The following RP1L1 variants were observed in gnomAD, a reference collection of about 807,000 sequenced individuals.
RP1L1 encodes the protein retinitis pigmentosa 1-like 1 protein.
RP1L1 carries 27 observed loss-of-function variants against 15.7 expected under a neutral mutation model. The observed-to-expected ratio is 1.72, with a 90% CI of 1.27 to 2.38. The LOEUF is 2.38. Among genes scored for constraint, RP1L1 ranks in the 30% most tolerant of loss-of-function variants. The probability of loss-of-function intolerance (pLI) is 0.00; values close to 1 mark genes in which losing one functional copy is unlikely to be tolerated. For missense variants in RP1L1, 4,798 were observed against 3,075.9 expected (o/e 1.56, Z -13.24); for synonymous variants, 1,813 against 1,276.7 (o/e 1.42, Z -8.96).
At chr8:10,651,974 T>A (rs1424675237) in intron 1 of RP1L1, among the ~76,000 whole-genome samples, 2 of 152,178 alleles carry the variant, frequency 1.3e-5, no homozygotes, top group Non-Finnish European at 2.9e-5. Context: ...TTCTTTTCCA[T>A]GTTTAGAAAC....
At chr8:10,624,175 C>T (rs908341001) in intron 1 of RP1L1, among the ~76,000 whole-genome samples, 2 of 152,226 alleles carry the variant, frequency 1.3e-5, no homozygotes, top group African/African-American at 4.8e-5. Flanking sequence ...ATTCTCCACA[C>T]ATTCTGTCAC....
chr8:10,633,636 C>G (rs1032738101), intron 1 of RP1L1, among the ~76,000 whole-genome samples: 25 of 152,242 alleles, frequency 1.6e-4, no homozygotes, highest in African/African-American at 5.8e-4. Flanking sequence ...AACTGCTGTT[C>G]TGTGGTCATC....
At chr8:10,613,371 A>G (rs1264384546) in intron 3 of RP1L1, 25 bp from the exon 4 acceptor site, 1 of 1,598,930 alleles carries the variant, frequency 6.3e-7, no homozygotes. Context: ...AGAGGAAAAG[A>G]AAAGAAGAAA....
chr8:10,617,058 C>A (rs141813475), intron 2 of RP1L1, among the ~76,000 whole-genome samples: 1 of 152,124 alleles, frequency 6.6e-6, no homozygotes, highest in African/African-American at 2.4e-5. Context: ...GAGTCTGTTG[C>A]CTCTGCCCAA....
chr8:10,645,840 C>G (rs1327251974), intron 1 of RP1L1, among the ~76,000 whole-genome samples: 1 of 152,114 alleles, frequency 6.6e-6, no homozygotes, highest in Non-Finnish European at 1.5e-5. Context: ...CCTCTGAACC[C>G]TGCACCAGGC....
At chr8:10,650,293 A>G (rs1798539806) in intron 1 of RP1L1, among the ~76,000 whole-genome samples, 1 of 152,112 alleles carries the variant, frequency 6.6e-6, no homozygotes, top group Non-Finnish European at 1.5e-5. Flanking sequence ...CACATTCTTC[A>G]AGCCACTTTT....
intron 1 of RP1L1, among the ~76,000 whole-genome samples, chr8:10,633,826 T>G (rs1798289122): frequency 6.6e-6 from 1 of 152,200 alleles, no homozygotes; most frequent in South Asian, 2.1e-4. Context: ...ATATGTCCAA[T>G]TAATCTCCAC....
intron 1 of RP1L1, among the ~76,000 whole-genome samples, chr8:10,636,429 C>T (rs1174105772): frequency 1.3e-5 from 2 of 152,158 alleles, no homozygotes; most frequent in Admixed American, 6.5e-5. Flanking sequence ...TCACCATCCT[C>T]GGTAAAATGG....
Position 10,607,348 on chromosome 8 carries a change from C to T in RP1L1, c.6750G>A (p.Lys2250=), listed in dbSNP as rs755423436. 2 of 1,614,146 alleles carry T rather than the reference C, an allele frequency of 1.2e-6. No homozygotes were observed. The highest frequency in any genetic ancestry group is 1.1e-5 in the South Asian group (1 of 91,080). The part of the protein sequence containing the change: ...ESEGETQGEK[K]GSPQVSLGDG... Reference sequence around the variant, plus strand: ...CTCCTAGACTGACCTGAGGGCTCCCCTTTTTCTCACCTTGAGTTTCTCCTT... The same window carrying T: ...CTCCTAGACTGACCTGAGGGCTCCCTTTTTTCTCACCTTGAGTTTCTCCTT... The change falls in exon 4 of 4, where the codon AAG becomes AAA. Residue 2250 remains lysine (K), a synonymous_variant. Coordinates refer to ENST00000382483, the MANE Select transcript of RP1L1 (RefSeq NM_178857.6).
Position 10,612,799 on chromosome 8 carries a change from G to A in RP1L1, c.1299C>T (p.Arg433=), listed in dbSNP as rs745933227. 1 of 1,611,240 alleles carries A rather than the reference G, an allele frequency of 6.2e-7. No individual in the cohort carries two copies. Among genetic ancestry groups the A allele is most frequent in the East Asian group, 2.2e-5 (1 of 44,872 alleles). Residue 433 remains arginine (R), a synonymous_variant, in exon 4 of 4, where the codon CGC becomes CGT. Transcript: ENST00000382483. ...RKRWGLAQHV[R]CSGLWGHGTA... is the part of the protein sequence containing the mutation. ...TCCCGTGGCCCCACAGGCCACTGCA[G>A]CGGACGTGCTGGGCCAGTCCCCACC...
chr8:10,613,581 T>C (rs1415361860), intron 3 of RP1L1, among the ~76,000 whole-genome samples: 1 of 133,610 alleles, frequency 7.5e-6, no homozygotes, highest in African/African-American at 2.9e-5. Flanking sequence ...CTGGACAACT[T>C]AGTGAGACAC....
rs371814745 is a variant in RP1L1 at position 10,606,972 on chromosome 8, G to T, written c.7126C>A (p.Gln2376Lys). 6.2e-7 allele frequency: 1 copy of T among 1,614,114 alleles called. No homozygotes were observed. The highest frequency in any genetic ancestry group is 1.3e-5 in the African/African-American group (1 of 74,936). Residue 2376 changes from glutamine to lysine, a missense_variant, in exon 4 of 4, where the codon CAG becomes AAG. Coordinates refer to ENST00000382483, the MANE Select transcript of RP1L1 (RefSeq NM_178857.6). Reference sequence around the variant, plus strand: ...GTGGGGGCGAGACTTCCGAGTGCCTGGTCCTCTTGTAGGTCATAACCTTCA... The same window carrying T: ...GTGGGGGCGAGACTTCCGAGTGCCTTGTCCTCTTGTAGGTCATAACCTTCA... ...ASEGYDLQED[Q>K]ALGSLAPTEA...
Position 10,612,488 on chromosome 8 carries a change from G to T in RP1L1, c.1610C>A (p.Ala537Asp). The stretch of plus-strand genomic sequence containing the variant: ...GGATCCCTCATGAGAGCCGGTGCTG[G>T]CTGACGAGTCCGAAGAAGCCCCCTC... The part of the protein sequence containing the change: ...SEEGASSDSS[A>D]STGSHEGSSE... The change falls in exon 4 of 4, where the codon GCC becomes GAC. Residue 537 changes from alanine (A) to aspartate (D), a missense_variant. Ala to Asp is a moderately radical substitution (Grantham distance 126). Coordinates refer to ENST00000382483, the MANE Select transcript of RP1L1 (RefSeq NM_178857.6). The T allele has an allele frequency of 6.2e-7, 1 of 1,612,474 alleles. No individual in the cohort carries two copies. Among genetic ancestry groups the T allele is most frequent in the Middle Eastern group, 1.6e-4 (1 of 6,062 alleles).
rs201205913 is a variant in RP1L1 at position 10,609,825 on chromosome 8, C to G, written c.4273G>C (p.Asp1425His). The change falls in exon 4 of 4, where the codon GAC becomes CAC. Residue 1425 changes from aspartate (D) to histidine (H), a missense_variant. Asp to His is a moderately conservative substitution (Grantham distance 81, BLOSUM62 -1). Coordinates refer to ENST00000382483, the MANE Select transcript of RP1L1 (RefSeq NM_178857.6). ...CCTGCTTCCTCCTCCTGGACTGGGTCATCTTCCTGGGAGCCTTTCCCATCC... is the reference window on the plus strand; with the variant it reads ...CCTGCTTCCTCCTCCTGGACTGGGTGATCTTCCTGGGAGCCTTTCCCATCC... ...SPDGKGSQED[D>H]PVQEEEAGRA... 3.3e-4 allele frequency: 526 copies of G among 1,614,150 alleles called. 5 individuals are homozygous for G. In the East Asian group the frequency reaches 0.01, roughly 32 times the overall value.
intron 1 of RP1L1, among the ~76,000 whole-genome samples, chr8:10,653,656 TAC>T (rs36044293): frequency 0.32 from 47,692 of 150,420 alleles, 8,769 homozygotes; most frequent in Middle Eastern, 0.47. Context: ...CACACACGCA[TAC>T]ACACACACAC....
chr8:10,645,117 A>T (rs1798457689), intron 1 of RP1L1, among the ~76,000 whole-genome samples: 1 of 152,198 alleles, frequency 6.6e-6, no homozygotes, highest in Non-Finnish European at 1.5e-5. Context: ...ACTTAAGGCC[A>T]GGAGTTCGAG....
chr8:10,614,492 T>C (rs973068314), intron 3 of RP1L1, among the ~76,000 whole-genome samples: 2 of 151,760 alleles, frequency 1.3e-5, no homozygotes, highest in African/African-American at 2.4e-5. Context: ...AAACCCCATC[T>C]CTACTAAAAG....
rs538357501 is a variant in RP1L1, at chr8:10,609,408, C to A, written c.4690G>T (p.Val1564Leu). Residue 1564 changes from valine (V) to leucine (L), a missense_variant, in exon 4 of 4, where the codon GTG becomes TTG. By Grantham distance (32) the Val-to-Leu change is conservative. Coordinates refer to ENST00000382483, the MANE Select transcript of RP1L1 (RefSeq NM_178857.6). ...GTGCTGTCCTGGAGGCGTTGGGCCACGTCCTGCTGCAGCTCGGCCGCCATC... is the reference window on the plus strand; with the variant it reads ...GTGCTGTCCTGGAGGCGTTGGGCCAAGTCCTGCTGCAGCTCGGCCGCCATC... ...DQMAAELQQD[V>L]AQRLQDSTKR... The A allele has an allele frequency of 1.9e-6, 3 of 1,612,330 alleles. No individual in the cohort carries two copies. The highest frequency in any genetic ancestry group is 1.7e-6 in the Non-Finnish European group (2 of 1,179,914).
At chr8:10,615,773 C>A (rs1024643052) in intron 3 of RP1L1, among the ~76,000 whole-genome samples, 2 of 152,102 alleles carry the variant, frequency 1.3e-5, no homozygotes, top group Non-Finnish European at 2.9e-5. Flanking sequence ...AACTCCTGGG[C>A]TCAAGTGATC....
Sources: gnomAD v4.1 joint callset for allele counts (sites outside exome capture counted in the v4.1 genomes callset) on GRCh38, gnomAD v4.1.1 for gene constraint, MANE v1.5 for transcripts, NCBI Gene and HGNC (gene_info 2026-07-23, HGNC 2026-07-21) for gene names.